Variants in DGKB observed in about 807,000 individuals in gnomAD.
DGKB encodes diacylglycerol kinase beta.
Under a neutral mutation model 114.3 loss-of-function variants are expected in DGKB, and 67 were observed. The ratio of observed to expected loss-of-function variants is 0.59; its 90% CI spans 0.48 to 0.72. The LOEUF is 0.72. DGKB is among the 30% of genes least tolerant of loss of function. The pLI is 0.00. For synonymous variants in DGKB, 398 were observed against 323.1 expected, an observed-to-expected ratio of 1.23 and a Z score of -2.49; for missense variants, 907 against 975.2, an observed-to-expected ratio of 0.93 and a Z score of 0.93.
At chr7:14,437,768 C>G (rs931894200) in intron 21 of DGKB, among the ~76,000 whole-genome samples, 13 of 148,810 alleles carry the variant, frequency 8.7e-5, no homozygotes, top group African/African-American at 2.7e-4. Flanking sequence ...CTATAACCCC[C>G]GAAGTTCTCC....
intron 17 of DGKB, among the ~76,000 whole-genome samples, chr7:14,588,516 C>A (rs1327291483): frequency 1.3e-5 from 2 of 152,098 alleles, no homozygotes; most frequent in Middle Eastern, 6.8e-3. Context: ...GTGTGAAGTA[C>A]TTTCTTTTCT....
At chr7:14,633,440 C>T (rs1230012300) in intron 13 of DGKB, among the ~76,000 whole-genome samples, 1 of 151,858 alleles carries the variant, frequency 6.6e-6, no homozygotes, top group Non-Finnish European at 1.5e-5. Context: ...TATCTAACCT[C>T]ATTTACAATC....
chr7:14,273,084 C>A (rs1798497822), intron 23 of DGKB, among the ~76,000 whole-genome samples: 1 of 152,090 alleles, frequency 6.6e-6, no homozygotes, highest in South Asian at 2.1e-4. Flanking sequence ...GTGACTCATG[C>A]CTGTAATTCC....
intron 25 of DGKB, among the ~76,000 whole-genome samples, chr7:14,166,807 G>A (rs369160942): frequency 6.6e-6 from 1 of 152,044 alleles, no homozygotes; most frequent in Admixed American, 6.5e-5. Context: ...AACAAAAACT[G>A]GAATTGTATA....
intron 21 of DGKB, among the ~76,000 whole-genome samples, chr7:14,355,042 A>G (rs1441186371): frequency 1.3e-5 from 2 of 152,176 alleles, no homozygotes; most frequent in Non-Finnish European, 1.5e-5. Flanking sequence ...GGATTATACT[A>G]GTTGACTATG....
At position 14,148,511 on chromosome 7, in the gene DGKB, G is replaced by A. The variant is rs542189735; in HGVS notation, c.*620C>T. 3 of 152,442 alleles carry A rather than the reference G, an allele frequency of 2.0e-5. No homozygotes were observed. 9.4% of individuals were successfully genotyped at this position (152,442 alleles called of 1,614,324 possible). ...GAAAACTAAGCAAAATAAAAACCGC[G>A]TTCTATTTTTCAGCATGAGAAAACC... On this transcript the variant is annotated 3_prime_UTR_variant, in exon 26 of 26. Coordinates refer to ENST00000402815, the MANE Select transcript of DGKB (RefSeq NM_001350709.2).
chr7:14,306,029 T>C (rs1804409425), intron 23 of DGKB, among the ~76,000 whole-genome samples: 1 of 152,066 alleles, frequency 6.6e-6, no homozygotes, highest in Non-Finnish European at 1.5e-5. Context: ...GATTTATTCA[T>C]CTAGTTGGTC....
intron 20 of DGKB, among the ~76,000 whole-genome samples, chr7:14,521,291 A>G (rs973745930): frequency 6.6e-6 from 1 of 152,184 alleles, no homozygotes; most frequent in Non-Finnish European, 1.5e-5. Context: ...AAAAATTGAC[A>G]AAAACAAGCA....
chr7:14,199,757 A>T (rs184967055), intron 23 of DGKB, among the ~76,000 whole-genome samples: 9 of 152,210 alleles, frequency 5.9e-5, no homozygotes, highest in Admixed American at 2.6e-4. Context: ...TAAGTATGTT[A>T]CTATGTTATT....
At chr7:14,286,865 C>T (rs1156310859) in intron 23 of DGKB, among the ~76,000 whole-genome samples, 1 of 152,034 alleles carries the variant, frequency 6.6e-6, no homozygotes, top group East Asian at 1.9e-4. Flanking sequence ...AAAAATGTTT[C>T]AATGGACAAA....
chr7:14,633,173 G>A (rs1160482509), intron 13 of DGKB, among the ~76,000 whole-genome samples: 1 of 151,898 alleles, frequency 6.6e-6, no homozygotes, highest in Non-Finnish European at 1.5e-5. Context: ...TAGAGAGCAA[G>A]TGAGGTTGGC....
chr7:14,652,335 A>T (rs1432611224), intron 13 of DGKB, among the ~76,000 whole-genome samples: 3 of 152,162 alleles, frequency 2.0e-5, no homozygotes, highest in Non-Finnish European at 2.9e-5. Flanking sequence ...GAGCCCTCAG[A>T]AATAACGCCG....
chr7:14,312,357 T>C lies in DGKB; in HGVS notation c.2122+26158A>G, dbSNP rs139261338. On this transcript the variant is annotated intron_variant, in intron 23 of 25. Transcript: ENST00000402815. ...CAAAATTATTTTTATACGCATTGTG[T>C]TAACATTTGCACTGATGAAGCAAAA... Among the ~76,000 whole-genome samples, 336 of 152,326 alleles carry C rather than the reference T, an allele frequency of 2.2e-3. 3 individuals carry two copies. Among genetic ancestry groups the C allele is most frequent in the African/African-American group, 7.8e-3 (325 of 41,584 alleles).
At chr7:14,686,012 T>C (rs1376299367) in intron 9 of DGKB, among the ~76,000 whole-genome samples, 1 of 152,180 alleles carries the variant, frequency 6.6e-6, no homozygotes, top group Non-Finnish European at 1.5e-5. Flanking sequence ...TTTCATTATG[T>C]TACCATTTTG....
chr7:14,804,074 T>G (rs1020897242), intron 2 of DGKB, among the ~76,000 whole-genome samples: 5 of 149,458 alleles, frequency 3.3e-5, no homozygotes, highest in Non-Finnish European at 4.5e-5. Flanking sequence ...TTTTTGGGTG[T>G]GTGTGTGTGT....
chr7:14,471,914 C>T (rs868683281), intron 21 of DGKB, among the ~76,000 whole-genome samples: 10 of 151,986 alleles, frequency 6.6e-5, no homozygotes, highest in African/African-American at 2.4e-4. Context: ...GAAAGTAGTA[C>T]AGAAATAAAT....
At position 14,769,278 on chromosome 7, in the gene DGKB, G is replaced by GAA. The variant is rs1554265919; in HGVS notation, c.71-11549_71-11548dup. On this transcript the variant is annotated intron_variant, in intron 2 of 25. Coordinates refer to ENST00000402815, the MANE Select transcript of DGKB (RefSeq NM_001350709.2). ...AGAAAGAAAGAAAGAAAGAAAGAAAGAAAGATTTTGTAAAGGAGTTTAGTT... is the reference window on the plus strand; with the variant it reads ...AGAAAGAAAGAAAGAAAGAAAGAAAGAAAAAGATTTTGTAAAGGAGTTTAGTT... Among the ~76,000 whole-genome samples, 726 of 77,178 alleles carry GAA rather than the reference G, an allele frequency of 9.4e-3. 25 individuals are homozygous for GAA. The highest frequency in any genetic ancestry group is 0.065 in the African/African-American group (660 of 10,228). The allele number at this position is 77,178 out of a possible 152,430, so 50.6% of individuals were successfully genotyped here.
chr7:14,652,331 T>A (rs1003387155), intron 13 of DGKB, among the ~76,000 whole-genome samples: 1 of 152,048 alleles, frequency 6.6e-6, no homozygotes, highest in Non-Finnish European at 1.5e-5. Flanking sequence ...AACAGAGCCC[T>A]CAGAAATAAC....
intron 23 of DGKB, among the ~76,000 whole-genome samples, chr7:14,290,721 A>T (rs1408588184): frequency 6.6e-6 from 1 of 152,168 alleles, no homozygotes; most frequent in African/African-American, 2.4e-5. Flanking sequence ...CAGGTCATAC[A>T]AGCAAAGATA....
Sources: allele counts gnomAD v4.1 joint callset (sites outside exome capture counted in the v4.1 genomes callset), GRCh38; gene constraint gnomAD v4.1.1; transcripts MANE v1.5; gene names NCBI Gene and HGNC (gene_info 2026-07-23, HGNC 2026-07-21).